The following MDGA2 variants were observed in gnomAD, a reference collection of about 807,000 sequenced individuals.
The protein encoded by MDGA2 is MAM domain-containing glycosylphosphatidylinositol anchor protein 2.
MDGA2 carries 40 observed loss-of-function variants against 117.8 expected under a neutral mutation model. The ratio of observed to expected loss-of-function variants is 0.34; its 90% CI spans 0.26 to 0.44. MDGA2 has a LOEUF of 0.44. Among genes scored for constraint, MDGA2 ranks in the 20% least tolerant of loss-of-function variants. The pLI is 1.00. For missense variants in MDGA2, 1,123 were observed against 1,250.6 expected (o/e 0.90, Z 1.54); for synonymous variants, 452 against 439.0 (o/e 1.03, Z -0.37).
At chr14:47,644,562 G>C (rs1340757297) in intron 1 of MDGA2, among the ~76,000 whole-genome samples, 2 of 152,090 alleles carry the variant, frequency 1.3e-5, no homozygotes, top group Non-Finnish European at 2.9e-5. Flanking sequence ...GGGTAGGAAG[G>C]AGAGGGAGAA....
At chr14:46,989,667 G>A (rs1887007314) in intron 8 of MDGA2, among the ~76,000 whole-genome samples, 1 of 152,014 alleles carries the variant, frequency 6.6e-6, no homozygotes, top group African/African-American at 2.4e-5. Context: ...CTTCTAAAAT[G>A]ACTTCCATAT....
At chr14:47,388,465 CT>C (rs1225615879) in intron 1 of MDGA2, among the ~76,000 whole-genome samples, 3 of 152,142 alleles carry the variant, frequency 2.0e-5, no homozygotes, top group Admixed American at 6.6e-5. Context: ...ACAATCTGTT[CT>C]ACCTCCACCT....
chr14:47,460,923 A>G (rs1363484893), intron 1 of MDGA2, among the ~76,000 whole-genome samples: 1 of 152,240 alleles, frequency 6.6e-6, no homozygotes, highest in Non-Finnish European at 1.5e-5. Context: ...CATTAATTAT[A>G]AACCTTTAAA....
At chr14:47,157,927 A>C (rs1883465458) in intron 3 of MDGA2, among the ~76,000 whole-genome samples, 1 of 151,948 alleles carries the variant, frequency 6.6e-6, no homozygotes, top group African/African-American at 2.4e-5. Context: ...ACTGTGAGTC[A>C]ATTAAATGTC....
intron 1 of MDGA2, among the ~76,000 whole-genome samples, chr14:47,663,703 TAGA>T (rs1423480625): frequency 6.6e-6 from 1 of 152,216 alleles, no homozygotes; most frequent in Non-Finnish European, 1.5e-5. Context: ...GGATCAAAAC[TAGA>T]AGATGTGACA....
At chr14:46,972,673 A>G (rs1022419390) in intron 8 of MDGA2, among the ~76,000 whole-genome samples, 5 of 152,160 alleles carry the variant, frequency 3.3e-5, no homozygotes, top group African/African-American at 1.2e-4. Flanking sequence ...CACAACTCCT[A>G]CAAACTAACA....
At chr14:47,603,679 C>T (rs1211630544) in intron 1 of MDGA2, among the ~76,000 whole-genome samples, 1 of 151,868 alleles carries the variant, frequency 6.6e-6, no homozygotes, top group East Asian at 1.9e-4. Context: ...TCCTCGTTTC[C>T]TTCTCCTACC....
chr14:47,646,131 T>C (rs4900793), intron 1 of MDGA2, among the ~76,000 whole-genome samples: 148,462 of 149,188 alleles, frequency 1, 73,875 homozygotes, highest in East Asian at 1. Context: ...GACTACGTCA[T>C]GTAAACTTTC....
chr14:47,598,187 G>T (rs1896582416), intron 1 of MDGA2, among the ~76,000 whole-genome samples: 1 of 152,106 alleles, frequency 6.6e-6, no homozygotes, highest in African/African-American at 2.4e-5. Context: ...ATGTTAGTAA[G>T]GATATTGAAA....
chr14:47,213,068 TG>T (rs1801592763), intron 3 of MDGA2, among the ~76,000 whole-genome samples: 1 of 152,120 alleles, frequency 6.6e-6, no homozygotes, highest in African/African-American at 2.4e-5. Flanking sequence ...CTTCCTTTTT[TG>T]TTTACTTCTT....
At chr14:46,939,854 A>G (rs1884930922) in intron 9 of MDGA2, among the ~76,000 whole-genome samples, 1 of 152,182 alleles carries the variant, frequency 6.6e-6, no homozygotes, top group Admixed American at 6.5e-5. Flanking sequence ...TCCAAAGTCC[A>G]TTTTACACTA....
chr14:47,629,210 G>A (rs1162018142), intron 1 of MDGA2, among the ~76,000 whole-genome samples: 1 of 152,218 alleles, frequency 6.6e-6, no homozygotes, highest in Non-Finnish European at 1.5e-5. Context: ...TATCTGTGTT[G>A]TGGGGATGTA....
intron 1 of MDGA2, among the ~76,000 whole-genome samples, chr14:47,412,566 G>A (rs1892396008): frequency 6.6e-6 from 1 of 152,228 alleles, no homozygotes; most frequent in African/African-American, 2.4e-5. Context: ...ACAGGCATGA[G>A]CTACTGTGTC....
intron 1 of MDGA2, among the ~76,000 whole-genome samples, chr14:47,365,512 G>T (rs764927305): frequency 6.6e-6 from 1 of 152,250 alleles, no homozygotes; most frequent in Non-Finnish European, 1.5e-5. Context: ...GAGCAGTACT[G>T]GTAGACAGAA....
intron 1 of MDGA2, among the ~76,000 whole-genome samples, chr14:47,599,624 G>A (rs940116789): frequency 1.1e-4 from 17 of 152,088 alleles, no homozygotes; most frequent in Non-Finnish European, 2.9e-5. Flanking sequence ...CATTTTGCGA[G>A]TTTCTGGTCT....
At chr14:47,142,559 A>G (rs1008696373) in intron 4 of MDGA2, among the ~76,000 whole-genome samples, 1 of 152,236 alleles carries the variant, frequency 6.6e-6, no homozygotes, top group African/African-American at 2.4e-5. Flanking sequence ...AAGATTCTAG[A>G]GGAAAACATG....
At chr14:47,338,341 G>C (rs1331771450) in intron 1 of MDGA2, among the ~76,000 whole-genome samples, 3 of 151,856 alleles carry the variant, frequency 2.0e-5, no homozygotes, top group Non-Finnish European at 4.4e-5. Flanking sequence ...TGCCACGGGA[G>C]AGAAGAAACA....
intron 1 of MDGA2, among the ~76,000 whole-genome samples, chr14:47,348,269 T>C (rs1436060290): frequency 6.6e-6 from 1 of 150,668 alleles, no homozygotes; most frequent in African/African-American, 2.4e-5. Flanking sequence ...CAGGCTGGAG[T>C]GCACTGGTGT....
chr14:47,130,313 C>A (rs899258196), intron 5 of MDGA2, among the ~76,000 whole-genome samples: 1 of 152,070 alleles, frequency 6.6e-6, no homozygotes, highest in Non-Finnish European at 1.5e-5. Flanking sequence ...CTACTTATGG[C>A]TAGCCAATTT....
Sources: allele counts gnomAD v4.1 joint callset (sites outside exome capture counted in the v4.1 genomes callset), GRCh38; gene constraint gnomAD v4.1.1; transcripts MANE v1.5; gene names NCBI Gene and HGNC (gene_info 2026-07-23, HGNC 2026-07-21).